ZNF765: variants seen among roughly 807,000 people sequenced by gnomAD.
The protein encoded by ZNF765 is zinc finger protein 765.
ZNF765 carries 37 observed loss-of-function variants against 44.7 expected under a neutral mutation model. The observed-to-expected ratio is 0.83, with a 90% confidence interval of 0.64 to 1.09. The LOEUF (loss-of-function observed/expected upper bound fraction) is 1.09. Among genes scored for constraint, ZNF765 ranks in the 50% least tolerant of loss-of-function variants. The pLI is 0.00. For synonymous variants in ZNF765, 201 were observed against 213.7 expected (o/e 0.94, Z 0.52); for missense variants, 594 against 626.1 (o/e 0.95, Z 0.55).
intron 3 of ZNF765, among the ~76,000 whole-genome samples, chr19:53,419,630 G>A (rs757481977): frequency 2.0e-5 from 3 of 152,182 alleles, no homozygotes; most frequent in South Asian, 2.1e-4. Context: ...TGATGCATAC[G>A]TTAATTAGCT....
chr19:53,406,878 G>A (rs2085780528), intron 3 of ZNF765, among the ~76,000 whole-genome samples: 1 of 152,142 alleles, frequency 6.6e-6, no homozygotes. Context: ...TCGGGCCATT[G>A]AACTCCAGGC....
Position 53,398,007 on chromosome 19 carries a change from G to A in ZNF765, c.-9G>A. The A allele has an allele frequency of 1.9e-6, 3 of 1,613,526 alleles. No homozygotes were observed. The highest frequency in any genetic ancestry group is 2.5e-6 in the Non-Finnish European group (3 of 1,179,980). On this transcript the variant is annotated 5_prime_UTR_variant, in exon 2 of 4. Coordinates refer to ENST00000396408, the MANE Select transcript of ZNF765 (RefSeq NM_001040185.3). Reference sequence around the variant, plus strand: ...CTGGAAGAGGAAGAGGAAAGCAAAGGAGTCAGGGATGGCTCTTCCTCAGGT... The same window carrying A: ...CTGGAAGAGGAAGAGGAAAGCAAAGAAGTCAGGGATGGCTCTTCCTCAGGT...
chr19:53,413,395 A>G (rs534462801), downstream of ZNF765: 30 of 541,390 alleles, frequency 5.5e-5, no homozygotes, highest in Admixed American at 1.9e-4. Flanking sequence ...GAGCATTACA[A>G]TCATGTTACC....
chr19:53,413,930 CAA>C (rs386389261), downstream of ZNF765, among the ~76,000 whole-genome samples: 10 of 79,798 alleles, frequency 1.3e-4, no homozygotes, highest in South Asian at 4.2e-3. Context: ...GCTAGAAAGA[CAA>C]AAAAAAAAAA....
intron 3 of ZNF765, among the ~76,000 whole-genome samples, chr19:53,421,537 G>A (rs889087815): frequency 3.9e-5 from 6 of 152,006 alleles, no homozygotes; most frequent in South Asian, 4.2e-4. Flanking sequence ...TTTTTGAGAC[G>A]GAGTTTCACT....
In ZNF765 at chr19:53,408,592, G is replaced by A. The variant is rs150918190; in HGVS notation, c.1037G>A (p.Arg346His). ...FSQKSYLTCHRRLHTGEKPYK... is the reference protein window; with the variant it reads ...FSQKSYLTCHHRLHTGEKPYK... Reference sequence around the variant, plus strand: ...CAGAAGTCGTACCTTACATGCCATCGTAGGCTTCATACTGGAGAGAAACCT... The same window carrying A: ...CAGAAGTCGTACCTTACATGCCATCATAGGCTTCATACTGGAGAGAAACCT... The change falls in exon 4 of 4, where the codon CGT becomes CAT. Residue 346 changes from arginine (R) to histidine (H), a missense_variant. By Grantham distance (29) the Arg-to-His change is conservative. Transcript: ENST00000396408. 53 of 1,613,568 alleles carry A rather than the reference G, an allele frequency of 3.3e-5. No homozygotes were observed. In the Middle Eastern group the frequency reaches 5.0e-4, roughly 15 times the overall value.
chr19:53,403,717 C>A (rs1225351817), intron 3 of ZNF765, among the ~76,000 whole-genome samples: 10 of 152,134 alleles, frequency 6.6e-5, no homozygotes, highest in Non-Finnish European at 1.5e-4. Flanking sequence ...GTGGTGGGCG[C>A]CTGTAATCCT....
intron 3 of ZNF765, 98 bp downstream of exon 3, chr19:53,402,289 C>T (rs2085735422): frequency 5.4e-6 from 8 of 1,492,686 alleles, no homozygotes; most frequent in Non-Finnish European, 7.0e-6. Flanking sequence ...TGGAGTCTCG[C>T]TCTGTCGCCC....
downstream of ZNF765, among the ~76,000 whole-genome samples, chr19:53,416,822 T>C (rs2085877766): frequency 7.5e-6 from 1 of 134,206 alleles, no homozygotes; most frequent in Non-Finnish European, 1.6e-5. Flanking sequence ...ATTTCTTTTC[T>C]TTTTTTTTTT....
exon 4 of ZNF765, chr19:53,423,895 GA>G: frequency 6.3e-6 from 1 of 157,654 alleles, no homozygotes; most frequent in Non-Finnish European, 1.4e-5. Context: ...CAGCTCTGTG[GA>G]AAAAGTGGAA....
chr19:53,411,972 G>A lies in ZNF765; in HGVS notation c.*2845G>A, dbSNP rs1136060. ...GATTTTCTGCACAGAAGATCATGTC[G>A]TCTACAAACAAATATAATTTTACTT... is the stretch of plus-strand genomic sequence containing the variant. On this transcript the variant is annotated 3_prime_UTR_variant, in exon 4 of 4. Coordinates refer to ENST00000396408, the MANE Select transcript of ZNF765 (RefSeq NM_001040185.3). The A allele has an allele frequency of 0.25, 41,545 of 163,262 alleles. 5,717 individuals carry two copies. The highest frequency in any genetic ancestry group is 0.34 in the Middle Eastern group (117 of 348). 10.1% of individuals were successfully genotyped at this position (163,262 alleles called of 1,614,324 possible).
chr19:53,399,241 C>G (rs374606761), intron 2 of ZNF765, among the ~76,000 whole-genome samples: 2 of 131,884 alleles, frequency 1.5e-5, no homozygotes, highest in East Asian at 2.5e-4. Context: ...CCCCCTCCCC[C>G]ACCCCACAAC....
chr19:53,408,849 C>G lies in ZNF765; in HGVS notation c.1294C>G (p.His432Asp). ...QQLTLNICRLHSGEKPYKCEE... is the reference protein window; with the variant it reads ...QQLTLNICRLDSGEKPYKCEE... ...GTTAACCCTTAACATTTGTAGACTT[C>G]ATAGTGGAGAGAAACCTTACAAATG... is the stretch of plus-strand genomic sequence containing the variant. Residue 432 changes from histidine (H) to aspartate (D), a missense_variant, in exon 4 of 4, where the codon CAT (histidine) becomes GAT (aspartate). Coordinates refer to ENST00000396408, the MANE Select transcript of ZNF765 (RefSeq NM_001040185.3). 1 of 1,614,052 alleles carries G rather than the reference C, an allele frequency of 6.2e-7. No individual in the cohort carries two copies. Among genetic ancestry groups the G allele is most frequent in the Non-Finnish European group, 8.5e-7 (1 of 1,179,980 alleles).
downstream of ZNF765, among the ~76,000 whole-genome samples, chr19:53,415,273 A>C (rs927109475): frequency 6.6e-6 from 1 of 150,856 alleles, no homozygotes; most frequent in African/African-American, 2.4e-5. Flanking sequence ...TCCATCTCGA[A>C]AAAAAAAAAG....
At chr19:53,395,938 C>T (rs1460411592) in intron 1 of ZNF765, among the ~76,000 whole-genome samples, 2 of 151,232 alleles carry the variant, frequency 1.3e-5, no homozygotes, top group Non-Finnish European at 2.9e-5. Flanking sequence ...AAAAAAGACT[C>T]ATAACAGATG....
At chr19:53,406,800 A>G (rs1047527384) in intron 3 of ZNF765, among the ~76,000 whole-genome samples, 15 of 152,180 alleles carry the variant, frequency 9.9e-5, no homozygotes, top group African/African-American at 3.6e-4. Flanking sequence ...GTGTAATCCC[A>G]GGTACTCAGG....
chr19:53,410,161 G>C lies in ZNF765; in HGVS notation c.*1034G>C. ...TGATAGTCATAGAATTCATACTAGA[G>C]AGAAACCTTAGCAGTGTAATGAACG... On this transcript the variant is annotated 3_prime_UTR_variant, in exon 4 of 4. Coordinates refer to ENST00000396408, the MANE Select transcript of ZNF765 (RefSeq NM_001040185.3). The C allele has an allele frequency of 2.5e-6, 1 of 406,096 alleles. No homozygotes were observed. Among genetic ancestry groups the C allele is most frequent in the Non-Finnish European group, 5.0e-6 (1 of 200,922 alleles). 25.2% of individuals were successfully genotyped at this position (406,096 alleles called of 1,614,324 possible). A position where few individuals can be genotyped will look rare whatever the true frequency, so the allele number is the denominator to read the frequency against.
chr19:53,410,670 A>G lies in ZNF765; in HGVS notation c.*1543A>G. On this transcript the variant is annotated 3_prime_UTR_variant, in exon 4 of 4. Transcript: ENST00000396408. ...GGAGAATCCATAATGAAGAGAGATC[A>G]TACTAGTTTAATAAATTTGGCAAAT... The G allele has an allele frequency of 4.2e-6, 2 of 471,876 alleles. No homozygotes were observed. Among genetic ancestry groups the G allele is most frequent in the South Asian group, 1.6e-5 (1 of 61,892 alleles). The allele number at this position is 471,876 out of a possible 1,614,324, so 29.2% of individuals were successfully genotyped here. A position where few individuals can be genotyped will look rare whatever the true frequency, so the allele number is the denominator to read the frequency against.
intron 3 of ZNF765, among the ~76,000 whole-genome samples, chr19:53,420,201 G>A (rs936325680): frequency 6.6e-6 from 1 of 151,774 alleles, no homozygotes; most frequent in Non-Finnish European, 1.5e-5. Flanking sequence ...GCGTGGTGGC[G>A]CATGCCTGTA....
Sources: allele counts gnomAD v4.1 joint callset (sites outside exome capture counted in the v4.1 genomes callset), GRCh38; gene constraint gnomAD v4.1.1; transcripts MANE v1.5; gene names NCBI Gene and HGNC (gene_info 2026-07-23, HGNC 2026-07-21).